The following XRCC4 variants were observed in gnomAD, a reference collection of about 807,000 sequenced individuals.
XRCC4 encodes the protein X-ray repair cross complementing 4, also known as DNA repair protein XRCC4.
A neutral mutation model predicts 39.1 loss-of-function variants in XRCC4; 28 were observed. The observed-to-expected ratio is 0.72, with a 90% confidence interval of 0.53 to 0.98. XRCC4 has a LOEUF of 0.98. XRCC4 is among the 50% of genes least tolerant of loss of function. The pLI is 0.00. For synonymous variants in XRCC4, 123 were observed against 126.4 expected (o/e 0.97, Z 0.18); for missense variants, 350 against 376.4 (o/e 0.93, Z 0.58).
At chr5:83,167,054 C>G (rs6452529) in intron 3 of XRCC4, among the ~76,000 whole-genome samples, 73,500 of 151,190 alleles carry the variant, frequency 0.49, 18,787 homozygotes, top group African/African-American at 0.63. Context: ...GCTAATTTTT[C>G]TATTTTTAGT....
At chr5:83,325,770 A>G (rs928014343) in intron 7 of XRCC4, among the ~76,000 whole-genome samples, 1 of 152,086 alleles carries the variant, frequency 6.6e-6, no homozygotes, top group African/African-American at 2.4e-5. Context: ...CAATGAACAT[A>G]TGCATGCATG....
chr5:83,216,243 A>G (rs1174837045), intron 6 of XRCC4, among the ~76,000 whole-genome samples: 5 of 152,202 alleles, frequency 3.3e-5, no homozygotes, highest in African/African-American at 1.2e-4. Flanking sequence ...ATTAGATAAT[A>G]CAAATTACAG....
chr5:83,254,032 A>T (rs531788607), intron 6 of XRCC4, among the ~76,000 whole-genome samples: 2 of 151,826 alleles, frequency 1.3e-5, no homozygotes, highest in South Asian at 4.2e-4. Context: ...TCCCACGGCC[A>T]TACCAATCAG....
chr5:83,259,627 A>G (rs904725125), intron 7 of XRCC4, among the ~76,000 whole-genome samples: 7 of 152,114 alleles, frequency 4.6e-5, no homozygotes, highest in African/African-American at 1.7e-4. Flanking sequence ...TGAAAAGTAT[A>G]AAACAATGCC....
intron 1 of XRCC4, among the ~76,000 whole-genome samples, chr5:83,094,670 G>A (rs931360624): frequency 2.7e-5 from 4 of 149,662 alleles, no homozygotes; most frequent in Admixed American, 2.0e-4. Flanking sequence ...ATATATTCTT[G>A]TGGTTAACTT....
At chr5:83,367,495 T>C in the XRCC4 span, among the ~76,000 whole-genome samples, 1 of 152,144 alleles carries the variant, frequency 6.6e-6, no homozygotes, top group South Asian at 2.1e-4. Flanking sequence ...AGGCCTCTGC[T>C]CCTTGCACGG....
chr5:83,268,402 C>T (rs891864487), intron 7 of XRCC4, among the ~76,000 whole-genome samples: 1 of 152,148 alleles, frequency 6.6e-6, no homozygotes, highest in East Asian at 1.9e-4. Context: ...CTTTTCCATG[C>T]TGCTATATTT....
intron 6 of XRCC4, among the ~76,000 whole-genome samples, chr5:83,208,496 C>A (rs1751505031): frequency 1.3e-5 from 2 of 151,978 alleles, no homozygotes; most frequent in Non-Finnish European, 2.9e-5. Context: ...AGGGGTATTA[C>A]AATTTGAAGG....
intron 1 of XRCC4, among the ~76,000 whole-genome samples, chr5:83,078,605 T>G (rs1744790394): frequency 6.6e-6 from 1 of 152,250 alleles, no homozygotes; most frequent in Admixed American, 6.5e-5. Flanking sequence ...TTTACATTGT[T>G]CACTAGGGCA....
At chr5:83,182,586 T>A (rs545442768) in intron 3 of XRCC4, among the ~76,000 whole-genome samples, 114 of 152,344 alleles carry the variant, frequency 7.5e-4, no homozygotes, top group Non-Finnish European at 1.3e-3. Context: ...TGAATTCCAA[T>A]ATTTTTTGAC....
chr5:83,297,568 G>C (rs1194450909), intron 7 of XRCC4, among the ~76,000 whole-genome samples: 3 of 151,972 alleles, frequency 2.0e-5, no homozygotes, highest in South Asian at 4.1e-4. Context: ...GAAATAACAA[G>C]TATTTTTGTT....
At position 83,319,977 on chromosome 5, in the gene XRCC4, T is replaced by A. The variant is rs1051080467; in HGVS notation, c.894-33154T>A. ...CAACCCAAATGTCCAACAATGATAGTCTGGATTAAGAAAATGTGGCACATA... is the reference window on the plus strand; with the variant it reads ...CAACCCAAATGTCCAACAATGATAGACTGGATTAAGAAAATGTGGCACATA... On this transcript the variant is annotated intron_variant, in intron 7 of 7. Coordinates refer to ENST00000396027, the MANE Select transcript of XRCC4 (RefSeq NM_003401.5). Among the ~76,000 whole-genome samples, 11 of 148,612 alleles carry A rather than the reference T, an allele frequency of 7.4e-5. No individual in the cohort carries two copies. The East Asian group carries it at 8.1e-4, about 11-fold the overall frequency.
chr5:83,338,364 A>G (rs1756656029), intron 7 of XRCC4, among the ~76,000 whole-genome samples: 1 of 152,216 alleles, frequency 6.6e-6, no homozygotes, highest in African/African-American at 2.4e-5. Flanking sequence ...TAATAGCAAA[A>G]TAAGATCAGT....
At chr5:83,247,288 T>C (rs549992994) in intron 6 of XRCC4, among the ~76,000 whole-genome samples, 2 of 152,080 alleles carry the variant, frequency 1.3e-5, no homozygotes, top group Admixed American at 1.3e-4. Context: ...ACAGCAGGGG[T>C]CCTCAATCCC....
intron 7 of XRCC4, among the ~76,000 whole-genome samples, chr5:83,308,911 ATT>A (rs769017866): frequency 6.6e-6 from 1 of 152,114 alleles, no homozygotes; most frequent in African/African-American, 2.4e-5. Flanking sequence ...TCGTGTAGGA[ATT>A]CATGACATGA....
chr5:83,357,337 T>C (rs1279631348), downstream of XRCC4, among the ~76,000 whole-genome samples: 8 of 152,184 alleles, frequency 5.3e-5, no homozygotes, highest in Non-Finnish European at 7.3e-5. Flanking sequence ...GAAACTACTA[T>C]GTAATGAACT....
At chr5:83,122,250 T>G (rs1747045948) in intron 3 of XRCC4, among the ~76,000 whole-genome samples, 1 of 152,204 alleles carries the variant, frequency 6.6e-6, no homozygotes, top group Non-Finnish European at 1.5e-5. Context: ...GCATTGGATC[T>G]ACAGAATTGA....
At chr5:83,251,256 C>T (rs1393811246) in intron 6 of XRCC4, among the ~76,000 whole-genome samples, 1 of 151,940 alleles carries the variant, frequency 6.6e-6, no homozygotes, top group African/African-American at 2.4e-5. Context: ...ACATTGAGGC[C>T]AGGTGCAGTG....
intron 7 of XRCC4, among the ~76,000 whole-genome samples, chr5:83,309,060 A>G (rs1425108072): frequency 4.6e-5 from 7 of 151,080 alleles, no homozygotes; most frequent in African/African-American, 1.7e-4. Flanking sequence ...TGGGTGGATC[A>G]TGAGGTCAGG....
Sources: allele counts gnomAD v4.1 joint callset (sites outside exome capture counted in the v4.1 genomes callset), GRCh38; gene constraint gnomAD v4.1.1; transcripts MANE v1.5; gene names NCBI Gene and HGNC (gene_info 2026-07-23, HGNC 2026-07-21).